CACNA1B: variants seen among roughly 807,000 people sequenced by gnomAD.
CACNA1B encodes the protein calcium voltage-gated channel subunit alpha1 B.
Under a neutral mutation model 247.2 loss-of-function variants are expected in CACNA1B, and 70 were observed. The observed-to-expected ratio is 0.28, with a 90% CI of 0.23 to 0.35. The LOEUF (loss-of-function observed/expected upper bound fraction) is 0.35, where lower values mean the gene tolerates loss of function less well. CACNA1B is among the 10% of genes least tolerant of loss of function. CACNA1B has a pLI of 1.00. For missense variants in CACNA1B, 2,367 were observed against 3,197.4 expected (o/e 0.74, Z 6.26); for synonymous variants, 1,231 against 1,294.4 (o/e 0.95, Z 1.05).
chr9:137,923,768 T>G (rs931505380), intron 6 of CACNA1B, among the ~76,000 whole-genome samples: 3 of 152,248 alleles, frequency 2.0e-5, no homozygotes, highest in Non-Finnish European at 4.4e-5. Flanking sequence ...ACCAGTGGTG[T>G]GTGAATAGTT....
chr9:138,043,987 A>T, intron 21 of CACNA1B, 87 bp downstream of exon 21: 15 of 1,442,124 alleles, frequency 1.0e-5, no homozygotes, highest in East Asian at 2.4e-5. Flanking sequence ...GCGTGCACTG[A>T]TTCTGCGCAC....
At chr9:138,088,376 A>T (rs540092859) in intron 36 of CACNA1B, among the ~76,000 whole-genome samples, 1 of 152,152 alleles carries the variant, frequency 6.6e-6, no homozygotes, top group South Asian at 2.1e-4. Context: ...CTCAAAAAAA[A>T]AAAAATTGTT....
At chr9:138,079,677 A>G (rs971382977) in intron 36 of CACNA1B, among the ~76,000 whole-genome samples, 1 of 138,874 alleles carries the variant, frequency 7.2e-6, no homozygotes, top group African/African-American at 2.7e-5. Context: ...TGGGAGGTGG[A>G]GGCTGCAGTG....
chr9:138,101,595 G>A (rs992219878), intron 37 of CACNA1B, among the ~76,000 whole-genome samples: 8 of 152,250 alleles, frequency 5.3e-5, no homozygotes, highest in South Asian at 4.1e-4. Flanking sequence ...AGGAGCAGCC[G>A]TCCTCTGGGT....
At chr9:138,077,794 G>C (rs1195862330) in intron 35 of CACNA1B, among the ~76,000 whole-genome samples, 1 of 152,220 alleles carries the variant, frequency 6.6e-6, no homozygotes, top group Non-Finnish European at 1.5e-5. Flanking sequence ...TGGAAATGAA[G>C]ACCAAGATGG....
intron 38 of CACNA1B, among the ~76,000 whole-genome samples, chr9:138,105,067 C>A (rs1421761959): frequency 6.6e-6 from 1 of 152,274 alleles, no homozygotes; most frequent in Admixed American, 6.5e-5. Flanking sequence ...CCATCTGTTC[C>A]TGTCCTTCCA....
chr9:138,082,513 TTTGA>T (rs1216687774), intron 36 of CACNA1B, among the ~76,000 whole-genome samples: 2 of 151,296 alleles, frequency 1.3e-5, no homozygotes, highest in Non-Finnish European at 2.9e-5. Flanking sequence ...GTTAGCTCCC[TTTGA>T]TTGGCCAAAA....
At chr9:137,959,860 C>T (rs1957990351) in intron 10 of CACNA1B, among the ~76,000 whole-genome samples, 1 of 152,114 alleles carries the variant, frequency 6.6e-6, no homozygotes, top group Non-Finnish European at 1.5e-5. Context: ...GGGCATCAAA[C>T]AACAAATAAG....
intron 12 of CACNA1B, among the ~76,000 whole-genome samples, chr9:137,977,894 GGCGGGT>G (rs1389656209): frequency 1.3e-5 from 2 of 151,440 alleles, no homozygotes; most frequent in Non-Finnish European, 3.0e-5. Context: ...AGGAGTAACA[GGCGGGT>G]GCACTACCCC....
intron 20 of CACNA1B, among the ~76,000 whole-genome samples, chr9:138,034,449 GTTT>G (rs566090688): frequency 7.4e-6 from 1 of 135,168 alleles, no homozygotes; most frequent in Admixed American, 7.4e-5. Flanking sequence ...TAGGGTCATA[GTTT>G]TTTTTTTTTT....
At position 138,120,893 on chromosome 9, in the gene CACNA1B, A is replaced by G; in HGVS notation, c.6489+12A>G. ...GACCCCACCCACAGGTAAGAGGAATAGGTGGAGAGGTCAGGGCCCAGCTGC... is the reference window on the plus strand; with the variant it reads ...GACCCCACCCACAGGTAAGAGGAATGGGTGGAGAGGTCAGGGCCCAGCTGC... On this transcript the variant is annotated intron_variant, in intron 46 of 46. Transcript: ENST00000371372. 6.4e-7 allele frequency: 1 copy of G among 1,556,362 alleles called. No homozygotes were observed. The highest frequency in any genetic ancestry group is 8.7e-7 in the Non-Finnish European group (1 of 1,151,780).
At position 138,010,212 on chromosome 9, in the gene CACNA1B, C is replaced by G; in HGVS notation, c.2160+135C>G. 1.5e-6 allele frequency: 1 copy of G among 667,256 alleles called. No individual in the cohort carries two copies. The highest frequency in any genetic ancestry group is 2.7e-6 in the Non-Finnish European group (1 of 374,216). The allele number at this position is 667,256 out of a possible 1,614,324, so 41.3% of individuals were successfully genotyped here. On this transcript the variant is annotated intron_variant, in intron 17 of 46. Transcript: ENST00000371372. The surrounding 1 kb of genome is among the most constrained non-coding windows in gnomAD (Gnocchi z 5.3). ...TGGGTCCTGGCGGGCAGAGGCTGGT[C>G]TGTCACTCAGGGGCTGGAGGCTGGA...
chr9:138,068,362 C>T (rs66942430), intron 31 of CACNA1B, among the ~76,000 whole-genome samples: 6,943 of 152,126 alleles, frequency 0.046, 169 homozygotes, highest in Middle Eastern at 0.11. Context: ...AATATTTATG[C>T]GTAATCTTTT....
At chr9:137,964,916 C>G (rs1376576678) in intron 10 of CACNA1B, among the ~76,000 whole-genome samples, 1 of 152,156 alleles carries the variant, frequency 6.6e-6, no homozygotes, top group Non-Finnish European at 1.5e-5. Flanking sequence ...TGTTTGTTTG[C>G]TTTCCTTTTA....
At chr9:138,003,041 T>C (rs981121914) in intron 15 of CACNA1B, among the ~76,000 whole-genome samples, 11 of 151,342 alleles carry the variant, frequency 7.3e-5, no homozygotes, top group African/African-American at 2.2e-4. Context: ...TTGTGATCCG[T>C]CCACCTTGGC....
At chr9:137,964,836 T>A (rs1363627289) in intron 10 of CACNA1B, among the ~76,000 whole-genome samples, 5 of 152,258 alleles carry the variant, frequency 3.3e-5, no homozygotes, top group Non-Finnish European at 2.9e-5. Flanking sequence ...TGTGGGCTTA[T>A]CCACCTTTGA....
intron 10 of CACNA1B, among the ~76,000 whole-genome samples, chr9:137,962,857 G>A (rs904278865): frequency 1.2e-4 from 18 of 152,230 alleles, no homozygotes; most frequent in South Asian, 1.0e-3. Flanking sequence ...TGTATATTAC[G>A]TTGTCTTTGG....
intron 39 of CACNA1B, among the ~76,000 whole-genome samples, chr9:138,110,583 T>C (rs1177590844): frequency 6.6e-6 from 1 of 152,098 alleles, no homozygotes; most frequent in Non-Finnish European, 1.5e-5. Flanking sequence ...TTTTAAAAAA[T>C]CAGCTGGGCA....
chr9:137,931,186 A>G (rs1957603223), intron 6 of CACNA1B, among the ~76,000 whole-genome samples: 2 of 152,214 alleles, frequency 1.3e-5, no homozygotes, highest in Non-Finnish European at 2.9e-5. Flanking sequence ...AAGAAATGAA[A>G]GCACAGATTT....
Sources: allele counts gnomAD v4.1 joint callset (sites outside exome capture counted in the v4.1 genomes callset), GRCh38; gene constraint gnomAD v4.1.1; non-coding constraint Gnocchi (gnomAD v3.1); transcripts MANE v1.5; gene names NCBI Gene and HGNC (gene_info 2026-07-23, HGNC 2026-07-21).